OGG1: variants seen among roughly 807,000 people sequenced by gnomAD.
The protein encoded by OGG1 is 8-oxoguanine DNA glycosylase.
Under a neutral mutation model 42.3 loss-of-function variants are expected in OGG1, and 35 were observed. The ratio of observed to expected loss-of-function variants is 0.83; its 90% CI spans 0.63 to 1.10. The LOEUF is 1.10. Ranked by LOEUF, OGG1 falls within the 50% of genes least tolerant of loss-of-function variation. The pLI, the probability that OGG1 is intolerant of heterozygous loss-of-function variation, is 0.00. For synonymous variants in OGG1, 189 were observed against 179.0 expected, an observed-to-expected ratio of 1.06 and a Z score of -0.44; for missense variants, 484 against 446.7, an observed-to-expected ratio of 1.08 and a Z score of -0.75.
chr3:9,760,930 T>A, downstream of OGG1: 1 of 1,048,830 alleles, frequency 9.5e-7, no homozygotes. Flanking sequence ...AGCTACATTA[T>A]CCTTTCTGTT....
downstream of OGG1, among the ~76,000 whole-genome samples, chr3:9,769,511 C>A (rs1040290612): frequency 3.3e-5 from 5 of 152,314 alleles, no homozygotes; most frequent in Admixed American, 2.6e-4. Context: ...CTGACCCACA[C>A]GCCTGTCCTA....
At chr3:9,760,411 G>T (rs1010118236), downstream of OGG1, 1 of 444,434 alleles carries the variant, frequency 2.3e-6, no homozygotes, top group African/African-American at 2.0e-5. Context: ...TAGGGGAGAG[G>T]TATTTTCAAA....
Position 9,786,900 on chromosome 3 carries a change from T to C in OGG1, c.383-828T>C, listed in dbSNP as rs577348424. The C allele has an allele frequency of 9.9e-5, 106 of 1,073,952 alleles. 2 individuals are homozygous for C. In the African/African-American group the frequency reaches 1.5e-3, roughly 16 times the overall value. The allele number at this position is 1,073,952 out of a possible 1,614,324, so 66.5% of individuals were successfully genotyped here. A position where few individuals can be genotyped will look rare whatever the true frequency, so the allele number is the denominator to read the frequency against. On this transcript the variant is annotated intron_variant, in intron 3 of 3. Coordinates refer to the OGG1 transcript ENST00000426518. ...AGGTTTTTACTTTTGCACCAACCTA[T>C]TTTTGCACCAACCTAATAAATGTAT...
chr3:9,790,458 C>G (rs142760752), downstream of OGG1, among the ~76,000 whole-genome samples: 63 of 152,300 alleles, frequency 4.1e-4, no homozygotes, highest in African/African-American at 1.5e-3. Context: ...CTTCACAGCT[C>G]CAACGTGCAC....
chr3:9,771,261 G>A (rs2078293351), downstream of OGG1, among the ~76,000 whole-genome samples: 1 of 152,000 alleles, frequency 6.6e-6, no homozygotes, highest in Non-Finnish European at 1.5e-5. Flanking sequence ...CTGGGCTCAA[G>A]CAATCCTCCC....
At chr3:9,778,066 C>T (rs181575599) in intron 2 of OGG1, among the ~76,000 whole-genome samples, 1 of 152,316 alleles carries the variant, frequency 6.6e-6, no homozygotes, top group African/African-American at 2.4e-5. Flanking sequence ...TATGTAACCT[C>T]CTAAGCCTCA....
At chr3:9,790,822 G>C (rs561180216), downstream of OGG1, among the ~76,000 whole-genome samples, 1 of 152,306 alleles carries the variant, frequency 6.6e-6, no homozygotes, top group African/African-American at 2.4e-5. Context: ...AAGTCACATA[G>C]CTAGGAAACA....
intron 7 of OGG1, chr3:9,763,223 G>A (rs368525391): frequency 6.2e-7 from 1 of 1,613,754 alleles, no homozygotes; most frequent in Non-Finnish European, 8.5e-7. Context: ...CCTGAAAGGA[G>A]AAATGAGGTG....
At chr3:9,789,868 G>T (rs773639905), downstream of OGG1, 10 of 1,614,204 alleles carry the variant, frequency 6.2e-6, no homozygotes, top group South Asian at 1.1e-4. Context: ...TCTGCTTCTT[G>T]GGCTTCCCAT....
rs1226759838 is a variant in OGG1, at chr3:9,757,082, C to T, written c.970C>T (p.Arg324Cys). Residue 324 changes from arginine to cysteine, a missense_variant, in exon 7 of 7, where the codon CGC becomes TGC. Arg to Cys is a radical substitution (Grantham distance 180). Transcript: ENST00000344629. The surrounding 1 kb of genome is among the most constrained non-coding windows in gnomAD (Gnocchi z 4.5). ...ACAGGTGCTGTTCAGTGCCGACCTG[C>T]GCCAATCCCGCCATGCTCAGGAGCC... ...AQAVLFSADL[R>C]QSRHAQEPPA... 3.1e-6 allele frequency: 5 copies of T among 1,613,986 alleles called. No homozygotes were observed. The highest frequency in any genetic ancestry group is 1.6e-4 in the Middle Eastern group (1 of 6,084).
chr3:9,760,571 G>T, downstream of OGG1: 5 of 1,376,664 alleles, frequency 3.6e-6, 1 homozygote, highest in South Asian at 4.7e-5. Context: ...CCGACAGAAG[G>T]AAGGCAGGAG....
chr3:9,786,606 C>T (rs548252005), intron 3 of OGG1, among the ~76,000 whole-genome samples: 1 of 152,306 alleles, frequency 6.6e-6, no homozygotes, highest in Non-Finnish European at 1.5e-5. Flanking sequence ...GCGTTAACCA[C>T]TGTCCTGGCC....
chr3:9,768,255 C>T (rs1309028172), downstream of OGG1, among the ~76,000 whole-genome samples: 1 of 152,198 alleles, frequency 6.6e-6, no homozygotes, highest in African/African-American at 2.4e-5. Context: ...AGGTTTCCAG[C>T]AGCCTGGGCT....
chr3:9,760,587 C>CCG, downstream of OGG1: 3 of 1,530,654 alleles, frequency 2.0e-6, no homozygotes, highest in Non-Finnish European at 2.7e-6. Flanking sequence ...AGGAGGGAGA[C>CCG]CGCCCCCAAA....
intron 3 of OGG1, chr3:9,787,392 G>T: frequency 6.5e-7 from 1 of 1,547,952 alleles, no homozygotes; most frequent in Non-Finnish European, 8.7e-7. Flanking sequence ...GGCCAGCCAT[G>T]CTTCATTCAT....
chr3:9,780,996 G>A (rs1173909436), intron 2 of OGG1, among the ~76,000 whole-genome samples: 2 of 151,946 alleles, frequency 1.3e-5, no homozygotes, highest in African/African-American at 4.8e-5. Context: ...AAATTAGCTG[G>A]GTGTGGTAGT....
chr3:9,776,041 T>G (rs936151748), intron 2 of OGG1, among the ~76,000 whole-genome samples: 3 of 152,202 alleles, frequency 2.0e-5, no homozygotes, highest in Admixed American at 1.3e-4. Context: ...GGACCACACT[T>G]GGAGCACCAT....
intron 2 of OGG1, 78 bp from the exon 3 acceptor site, chr3:9,751,692 A>G: frequency 7.3e-7 from 1 of 1,376,674 alleles, no homozygotes; most frequent in Non-Finnish European, 1.0e-6. Context: ...TTTGGTACCT[A>G]GGATCTGACC....
downstream of OGG1, among the ~76,000 whole-genome samples, chr3:9,789,183 G>C (rs1488199333): frequency 6.6e-6 from 1 of 152,166 alleles, no homozygotes; most frequent in South Asian, 2.1e-4. Context: ...CAGAGGCCTC[G>C]AAACAGGAAG....
Sources: gnomAD v4.1 joint callset for allele counts (sites outside exome capture counted in the v4.1 genomes callset) on GRCh38, gnomAD v4.1.1 for gene constraint, Gnocchi (gnomAD v3.1) non-coding constraint, MANE v1.5 for transcripts, NCBI Gene and HGNC (gene_info 2026-07-23, HGNC 2026-07-21) for gene names.